The following SPATA2L variants were observed in gnomAD, a reference collection of about 807,000 sequenced individuals.
SPATA2L encodes spermatogenesis associated 2 like.
In SPATA2L, 5 loss-of-function variants were observed where a neutral mutation model predicts 8.7. The observed-to-expected ratio is 0.57, with a 90% CI of 0.30 to 1.21. SPATA2L has a LOEUF of 1.21. SPATA2L is among the 50% of genes most tolerant of loss of function. The probability of loss-of-function intolerance (pLI) is 0.07; values close to 1 mark genes in which losing one functional copy is unlikely to be tolerated. For missense variants in SPATA2L, 671 were observed against 591.0 expected, an observed-to-expected ratio of 1.14 and a Z score of -1.40; for synonymous variants, 358 against 275.8, an observed-to-expected ratio of 1.30 and a Z score of -2.95.
At chr16:89,698,367 A>G in intron 2 of SPATA2L, 62 bp from the exon 3 acceptor site, 6 of 1,497,850 alleles carry the variant, frequency 4.0e-6, no homozygotes, top group Non-Finnish European at 5.3e-6. Context: ...CCTAGGGTAC[A>G]GTGGGTCCGG....
chr16:89,697,168 A>G lies in SPATA2L; in HGVS notation c.*166T>C, dbSNP rs1412445995. 1 of 1,381,280 alleles carries G rather than the reference A, an allele frequency of 7.2e-7. No homozygotes were observed. Among genetic ancestry groups the G allele is most frequent in the African/African-American group, 1.5e-5 (1 of 68,776 alleles). The allele number at this position is 1,381,280 out of a possible 1,614,324, so 85.6% of individuals were successfully genotyped here. On this transcript the variant is annotated 3_prime_UTR_variant, in exon 3 of 3. Transcript: ENST00000289805. Reference sequence around the variant, plus strand: ...CTGCTGCCCTTGGAGCCTTCCATATACAGAGAGTCCCACCTCCAGCAAGGG... The same window carrying G: ...CTGCTGCCCTTGGAGCCTTCCATATGCAGAGAGTCCCACCTCCAGCAAGGG...
rs201257207 is a variant in SPATA2L at position 89,697,668 on chromosome 16, C to T, written c.941G>A (p.Arg314His). The T allele has an allele frequency of 3.3e-5, 53 of 1,610,622 alleles. No individual in the cohort carries two copies. The highest frequency in any genetic ancestry group is 4.4e-5 in the South Asian group (4 of 91,088). ...CAGGTCCCCAGGCCTACTCAGCTCA[C>T]GGCGCAGAGAGAGGAAGGAGAAGGC... ...PSAFSFLSLRRELSRPGDLAT... is the reference protein window; with the variant it reads ...PSAFSFLSLRHELSRPGDLAT... Residue 314 changes from arginine (R) to histidine (H), a missense_variant, in exon 3 of 3, where the codon CGT becomes CAT. Coordinates refer to ENST00000289805, the MANE Select transcript of SPATA2L (RefSeq NM_152339.4).
Position 89,696,400 on chromosome 16 carries a change from CTGAG to C in SPATA2L, c.*930_*933del, listed in dbSNP as rs1012640344. The C allele has an allele frequency of 8.2e-6, 2 of 244,936 alleles. No individual in the cohort carries two copies. The highest frequency in any genetic ancestry group is 1.6e-5 in the Non-Finnish European group (2 of 126,358). The allele number at this position is 244,936 out of a possible 1,614,324, so 15.2% of individuals were successfully genotyped here. On this transcript the variant is annotated 3_prime_UTR_variant, in exon 3 of 3. Coordinates refer to ENST00000289805, the MANE Select transcript of SPATA2L (RefSeq NM_152339.4). ...ATGTGCTCTGATGTTGACCGTCCCT[CTGAG>C]TGTTCTGGGGAGGAGGGGGTGGGGC...
At position 89,697,577 on chromosome 16, in the gene SPATA2L, T is replaced by C. The variant is rs1453556781; in HGVS notation, c.1032A>G (p.Ser344=). Residue 344 remains serine (S), a synonymous_variant, in exon 3 of 3, where the codon TCA becomes TCG. Transcript: ENST00000289805. ...GGGGCTCCGAGACAGACCTATAGGC[T>C]GAGGCTGGTACCCCCTCTGCCCGAA... The part of the protein sequence containing the change: ...RRIRAEGVPA[S]AYRSVSEPPG... The C allele has an allele frequency of 1.3e-6, 2 of 1,599,060 alleles. No homozygotes were observed. Among genetic ancestry groups the C allele is most frequent in the South Asian group, 1.1e-5 (1 of 90,462 alleles).
intron 2 of SPATA2L, among the ~76,000 whole-genome samples, chr16:89,698,834 C>G (rs1032591076): frequency 6.7e-6 from 1 of 148,306 alleles, no homozygotes; most frequent in Non-Finnish European, 1.5e-5. Flanking sequence ...CTCGCTCTGT[C>G]TGGAGTACAG....
At position 89,698,273 on chromosome 16, in the gene SPATA2L, C is replaced by T. The variant is rs759633178; in HGVS notation, c.336G>A (p.Lys112=). ...GGAGGAGGTCGTCTGAGAGCACACC[C>T]TTCAGCACGTGCACGTAGCCCCCAG... ...TFSGGYVHVL[K]GVLSDDLLLK... is the part of the protein sequence containing the mutation. Residue 112 remains lysine, a synonymous_variant, in exon 3 of 3, where the codon AAG becomes AAA. Transcript: ENST00000289805. 7 of 1,589,724 alleles carry T rather than the reference C, an allele frequency of 4.4e-6. No homozygotes were observed. In the East Asian group the frequency reaches 1.3e-4, roughly 31 times the overall value.
Position 89,700,950 on chromosome 16 carries a change from T to G in SPATA2L, c.283A>C (p.Lys95Gln). 1 of 1,504,188 alleles carries G rather than the reference T, an allele frequency of 6.6e-7. No homozygotes were observed. The highest frequency in any genetic ancestry group is 8.9e-7 in the Non-Finnish European group (1 of 1,124,322). The allele number at this position is 1,504,188 out of a possible 1,614,324, so 93.2% of individuals were successfully genotyped here. A position where few individuals can be genotyped will look rare whatever the true frequency, so the allele number is the denominator to read the frequency against. ...CCTACCTTGATGGTGGTGAACTCCT[T>G]CCTCCAGGGCAGCAGGTACAGGTGC... ...AVHLYLLPWR[K>Q]EFTTIKTFSG... Residue 95 changes from lysine to glutamine, a missense_variant, in exon 2 of 3, where the codon AAG becomes CAG. Physicochemically the swap from Lys to Gln is moderately conservative, Grantham distance 53. Coordinates refer to ENST00000289805, the MANE Select transcript of SPATA2L (RefSeq NM_152339.4).
chr16:89,699,687 A>G (rs948012936), intron 2 of SPATA2L, among the ~76,000 whole-genome samples: 5 of 151,756 alleles, frequency 3.3e-5, no homozygotes, highest in Non-Finnish European at 7.4e-5. Flanking sequence ...AGTAGCTGGG[A>G]TTACAGGCGC....
Position 89,697,000 on chromosome 16 carries a change from G to A in SPATA2L, c.*334C>T. 7.0e-7 allele frequency: 1 copy of A among 1,427,286 alleles called. No individual in the cohort carries two copies. Among genetic ancestry groups the A allele is most frequent in the Non-Finnish European group, 9.2e-7 (1 of 1,088,800 alleles). The allele number at this position is 1,427,286 out of a possible 1,614,324, so 88.4% of individuals were successfully genotyped here. A position where few individuals can be genotyped will look rare whatever the true frequency, so the allele number is the denominator to read the frequency against. On this transcript the variant is annotated 3_prime_UTR_variant, in exon 3 of 3. Coordinates refer to ENST00000289805, the MANE Select transcript of SPATA2L (RefSeq NM_152339.4). The stretch of plus-strand genomic sequence containing the variant: ...GCAGGGAGCAGGCCAGGAGCCACGG[G>A]CCTTGGGGCACAGGGTCCTTCTCAG...
chr16:89,697,982 C>T lies in SPATA2L; in HGVS notation c.627G>A (p.Pro209=), dbSNP rs541993562. The change falls in exon 3 of 3, where the codon CCG becomes CCA. Residue 209 remains proline (P), a synonymous_variant. Transcript: ENST00000289805. ...GGGAGCCTCGGGGGGGCAGGGGTGG[C>T]GGCTCCTCATCCTGGGCCAGCCGCT... ...LQQRLAQDEE[P]PPLPPRGSPA... 3.7e-4 allele frequency: 596 copies of T among 1,603,078 alleles called. No individual in the cohort carries two copies. Among genetic ancestry groups the T allele is most frequent in the Non-Finnish European group, 4.3e-4 (510 of 1,177,310 alleles).
intron 2 of SPATA2L, among the ~76,000 whole-genome samples, chr16:89,700,534 C>T (rs1287850603): frequency 6.6e-6 from 1 of 152,242 alleles, no homozygotes; most frequent in Non-Finnish European, 1.5e-5. Context: ...TGCAGTCCTC[C>T]CAGCCTCGGC....
intron 1 of SPATA2L, 122 bp downstream of exon 1, chr16:89,701,506 G>A (rs1241828497): frequency 4.1e-5 from 16 of 392,760 alleles, no homozygotes. Flanking sequence ...CCTTCCAGGG[G>A]CGCCCCCGGT....
rs139333873 is a variant in SPATA2L, at chr16:89,698,203, G to A, written c.406C>T (p.Arg136Trp). The A allele has an allele frequency of 2.5e-5, 40 of 1,612,896 alleles. No homozygotes were observed. Among genetic ancestry groups the A allele is most frequent in the Non-Finnish European group, 3.3e-5 (39 of 1,179,876 alleles). The change falls in exon 3 of 3, where the codon CGG (arginine) becomes TGG (tryptophan). Residue 136 changes from arginine to tryptophan, a missense_variant. Coordinates refer to ENST00000289805, the MANE Select transcript of SPATA2L (RefSeq NM_152339.4). ...KMGYVRRDSHRLMVTALPPAC... is the reference protein window; with the variant it reads ...KMGYVRRDSHWLMVTALPPAC... ...GGGGGCAGGGCGGTCACCATGAGCC[G>A]ATGGCTGTCTCTGCGTACGTAGCCC... is the stretch of plus-strand genomic sequence containing the variant.
At position 89,696,901 on chromosome 16, in the gene SPATA2L, C is replaced by CTCAA; in HGVS notation, c.*432_*433insTTGA. 2 of 1,532,782 alleles carry CTCAA rather than the reference C, an allele frequency of 1.3e-6. No individual in the cohort carries two copies. The highest frequency in any genetic ancestry group is 1.7e-6 in the Non-Finnish European group (2 of 1,144,830). The allele number at this position is 1,532,782 out of a possible 1,614,324, so 94.9% of individuals were successfully genotyped here. A position where few individuals can be genotyped will look rare whatever the true frequency, so the allele number is the denominator to read the frequency against. ...GGGAGCTCGGTGTCACCAACAGGCC[C>CTCAA]TTGAGGACACTCGTGTGGAGAATCC... is the stretch of plus-strand genomic sequence containing the variant. On this transcript the variant is annotated 3_prime_UTR_variant, in exon 3 of 3. Coordinates refer to ENST00000289805, the MANE Select transcript of SPATA2L (RefSeq NM_152339.4).
At chr16:89,698,515 T>C (rs2060753657) in intron 2 of SPATA2L, among the ~76,000 whole-genome samples, 1 of 143,038 alleles carries the variant, frequency 7.0e-6, no homozygotes, top group Admixed American at 7.2e-5. Context: ...AGACAGAGTC[T>C]TGCTCTGTCA....
intron 2 of SPATA2L, among the ~76,000 whole-genome samples, chr16:89,699,946 G>C (rs920319593): frequency 6.6e-6 from 1 of 152,278 alleles, no homozygotes; most frequent in African/African-American, 2.4e-5. Context: ...CCCTAACTCC[G>C]GGACTCCTAG....
chr16:89,700,843 T>G (rs1424400758), intron 2 of SPATA2L, 87 bp downstream of exon 2: 1 of 1,343,562 alleles, frequency 7.4e-7, no homozygotes, highest in African/African-American at 1.6e-5. Context: ...AGCCCCTCTC[T>G]CTCGAAAGGC....
chr16:89,696,578 A>T lies in SPATA2L; in HGVS notation c.*756T>A. 1 of 504,180 alleles carries T rather than the reference A, an allele frequency of 2.0e-6. No homozygotes were observed. Among genetic ancestry groups the T allele is most frequent in the Non-Finnish European group, 3.5e-6 (1 of 285,786 alleles). The allele number at this position is 504,180 out of a possible 1,614,324, so 31.2% of individuals were successfully genotyped here. A position where few individuals can be genotyped will look rare whatever the true frequency, so the allele number is the denominator to read the frequency against. On this transcript the variant is annotated 3_prime_UTR_variant, in exon 3 of 3. Coordinates refer to ENST00000289805, the MANE Select transcript of SPATA2L (RefSeq NM_152339.4). ...TCGCCAGCCTGTGGGCTGCACCCAC[A>T]GGGAATGGAGGGGAGGGGCACCATT...
At chr16:89,700,230 C>G (rs117963037) in intron 2 of SPATA2L, among the ~76,000 whole-genome samples, 2,751 of 152,310 alleles carry the variant, frequency 0.018, 33 homozygotes, top group Non-Finnish European at 0.026. Flanking sequence ...TGTCCGTCCT[C>G]TCTCATGAAT....
Sources: gnomAD v4.1 joint callset for allele counts (sites outside exome capture counted in the v4.1 genomes callset) on GRCh38, gnomAD v4.1.1 for gene constraint, MANE v1.5 for transcripts, NCBI Gene and HGNC (gene_info 2026-07-23, HGNC 2026-07-21) for gene names.